Variants in SOAT1 observed in about 807,000 individuals in gnomAD.
SOAT1 encodes sterol O-acyltransferase 1.
A neutral mutation model predicts 69.5 loss-of-function variants in SOAT1; 55 were observed. That is an observed-to-expected ratio of 0.79 (90% CI 0.64 to 0.99). The LOEUF is 0.99. Among genes scored for constraint, SOAT1 ranks in the 50% least tolerant of loss-of-function variants. The probability of loss-of-function intolerance (pLI) is 0.00; values close to 1 mark genes in which losing one functional copy is unlikely to be tolerated. For synonymous variants in SOAT1, 231 were observed against 224.7 expected (o/e 1.03, Z -0.25); for missense variants, 580 against 669.3 (o/e 0.87, Z 1.47).
At chr1:179,300,945 A>AT (rs1664812320) in intron 1 of SOAT1, among the ~76,000 whole-genome samples, 1 of 152,150 alleles carries the variant, frequency 6.6e-6, no homozygotes, top group Non-Finnish European at 1.5e-5. Flanking sequence ...AAATACAAAA[A>AT]TTAGCCACGT....
At chr1:179,330,416 A>G (rs1665931896) in intron 3 of SOAT1, among the ~76,000 whole-genome samples, 1 of 152,186 alleles carries the variant, frequency 6.6e-6, no homozygotes, top group Admixed American at 6.5e-5. Context: ...GGAAGTCACA[A>G]ATCTTGTGAC....
chr1:179,333,402 A>AG (rs1358556576), intron 3 of SOAT1, among the ~76,000 whole-genome samples: 2 of 151,532 alleles, frequency 1.3e-5, no homozygotes, highest in African/African-American at 2.4e-5. Flanking sequence ...TCTTCTAAAA[A>AG]AAAAAAAACA....
At position 179,344,972 on chromosome 1, in the gene SOAT1, A is replaced by G. The variant is rs779262697; in HGVS notation, c.1013A>G (p.Tyr338Cys). 6 of 1,613,880 alleles carry G rather than the reference A, an allele frequency of 3.7e-6. No homozygotes were observed. The highest frequency in any genetic ancestry group is 2.5e-6 in the Non-Finnish European group (3 of 1,179,954). ...GTCTTTGGTTGCTTTTTCTATGTGTACTACATCTTTGAAAGGCTTTGTGCC... is the reference window on the plus strand; with the variant it reads ...GTCTTTGGTTGCTTTTTCTATGTGTGCTACATCTTTGAAAGGCTTTGTGCC... ...AQVFGCFFYVYYIFERLCAPL... is the reference protein window; with the variant it reads ...AQVFGCFFYVCYIFERLCAPL... The change falls in exon 11 of 16, where the codon TAC (tyrosine) becomes TGC (cysteine). Residue 338 changes from tyrosine (Y) to cysteine (C), a missense_variant. Tyr to Cys is a radical substitution (Grantham distance 194). Coordinates refer to ENST00000367619, the MANE Select transcript of SOAT1 (RefSeq NM_003101.6).
At chr1:179,316,875 G>A (rs889841269) in intron 2 of SOAT1, among the ~76,000 whole-genome samples, 3 of 152,130 alleles carry the variant, frequency 2.0e-5, no homozygotes, top group South Asian at 4.1e-4. Context: ...GACATACTGT[G>A]AAAAGAAATG....
At position 179,350,446 on chromosome 1, in the gene SOAT1, A is replaced by G; in HGVS notation, c.1450+15A>G. Reference sequence around the variant, plus strand: ...GTTCTTTGGAAGTAAGTATCTTGGTATGCTGTGAGTACTGGGTACTATGCT... The same window carrying G: ...GTTCTTTGGAAGTAAGTATCTTGGTGTGCTGTGAGTACTGGGTACTATGCT... On this transcript the variant is annotated intron_variant, in intron 14 of 15. Coordinates refer to ENST00000367619, the MANE Select transcript of SOAT1 (RefSeq NM_003101.6). 2 of 1,611,818 alleles carry G rather than the reference A, an allele frequency of 1.2e-6. No individual in the cohort carries two copies. The highest frequency in any genetic ancestry group is 1.7e-6 in the Non-Finnish European group (2 of 1,179,292).
At chr1:179,299,994 T>C (rs1017730004) in intron 1 of SOAT1, among the ~76,000 whole-genome samples, 4 of 151,306 alleles carry the variant, frequency 2.6e-5, no homozygotes, top group Non-Finnish European at 4.4e-5. Context: ...ATCTCCTGAC[T>C]TCATGATCTG....
chr1:179,342,781 G>C, intron 8 of SOAT1, 81 bp from the exon 9 acceptor site: 1 of 967,272 alleles, frequency 1.0e-6, no homozygotes, highest in South Asian at 1.3e-5. Context: ...TCCCTGTTCT[G>C]TGCTTCCTTA....
intron 3 of SOAT1, among the ~76,000 whole-genome samples, chr1:179,334,842 C>G (rs1321577758): frequency 6.6e-6 from 1 of 151,508 alleles, no homozygotes; most frequent in Non-Finnish European, 1.5e-5. Context: ...ATGGAGAAAC[C>G]CTGTCTCTAC....
In SOAT1 at chr1:179,310,265, C is replaced by CTTTT. The variant is rs34859522; in HGVS notation, c.118+7474_118+7477dup. ...AGATTATGACAAAAAGAAAACATGA[C>CTTTT]TTTTTTTTTTTTTTACTTTTGTGGT... On this transcript the variant is annotated intron_variant, in intron 2 of 15. Transcript: ENST00000367619. Among the ~76,000 whole-genome samples, 1,294 of 143,472 alleles carry CTTTT rather than the reference C, an allele frequency of 9.0e-3. 8 individuals carry two copies. The highest frequency in any genetic ancestry group is 0.013 in the African/African-American group (513 of 39,166). 94.1% of individuals were successfully genotyped at this position (143,472 alleles called of 152,430 possible).
chr1:179,332,565 C>T (rs1262897755), intron 3 of SOAT1, among the ~76,000 whole-genome samples: 1 of 152,146 alleles, frequency 6.6e-6, no homozygotes, highest in Non-Finnish European at 1.5e-5. Context: ...CCGCTTCTCC[C>T]TTCCTTCCTT....
At position 179,341,088 on chromosome 1, in the gene SOAT1, G is replaced by T. The variant is rs1340231618; in HGVS notation, c.558G>T (p.Trp186Cys). 3 of 1,614,044 alleles carry T rather than the reference G, an allele frequency of 1.9e-6. No homozygotes were observed. The highest frequency in any genetic ancestry group is 2.5e-6 in the Non-Finnish European group (3 of 1,180,000). The change falls in exon 7 of 16, where the codon TGG (tryptophan) becomes TGT (cysteine). Residue 186 changes from tryptophan (W) to cysteine (C), a missense_variant. Transcript: ENST00000367619. ...YAFGKFPTVVWTWWIMFLSTF... is the reference protein window; with the variant it reads ...YAFGKFPTVVCTWWIMFLSTF... ...TTGGCAAATTTCCTACCGTTGTTTG[G>T]ACCTGGTGGATCATGTTCCTGTCTA...
At chr1:179,342,757 A>G in intron 8 of SOAT1, 105 bp from the exon 9 acceptor site, 1 of 742,612 alleles carries the variant, frequency 1.3e-6, no homozygotes, top group Admixed American at 2.2e-5. Context: ...TGAGCTGATA[A>G]GTCATTTTAT....
rs1372370825 is a variant in SOAT1 at position 179,354,731 on chromosome 1, G to A, written c.*1090G>A. 2 of 152,010 alleles carry A rather than the reference G, an allele frequency of 1.3e-5. No homozygotes were observed. Among genetic ancestry groups the A allele is most frequent in the African/African-American group, 4.8e-5 (2 of 41,402 alleles). 9.4% of individuals were successfully genotyped at this position (152,010 alleles called of 1,614,324 possible). A position where few individuals can be genotyped will look rare whatever the true frequency, so the allele number is the denominator to read the frequency against. ...AGGTGGAATAAATTAATATGTGATT[G>A]GTTTCAAGGAAATGTACTCTATTAT... On this transcript the variant is annotated 3_prime_UTR_variant, in exon 16 of 16. Coordinates refer to ENST00000367619, the MANE Select transcript of SOAT1 (RefSeq NM_003101.6).
In SOAT1 at chr1:179,323,496, G is replaced by T; in HGVS notation, c.177+1G>T. ...GATAAAGTTGACAGCAGAGGCAGAG[G>T]CAAGTAACTCCCTCTTCTAGAAACA... is the stretch of plus-strand genomic sequence containing the variant. On this transcript the variant is annotated splice_donor_variant, in intron 3 of 15. Coordinates refer to ENST00000367619, the MANE Select transcript of SOAT1 (RefSeq NM_003101.6). LOFTEE classifies it high-confidence loss of function. The T allele has an allele frequency of 6.2e-7, 1 of 1,612,836 alleles. No individual in the cohort carries two copies. The highest frequency in any genetic ancestry group is 8.5e-7 in the Non-Finnish European group (1 of 1,179,150).
chr1:179,310,942 C>CT (rs1175742031), intron 2 of SOAT1, among the ~76,000 whole-genome samples: 2 of 151,594 alleles, frequency 1.3e-5, no homozygotes, highest in Admixed American at 6.6e-5. Flanking sequence ...GTTGGCTGTC[C>CT]TTTTTTTTTC....
intron 2 of SOAT1, among the ~76,000 whole-genome samples, chr1:179,305,348 C>T (rs1418998930): frequency 6.6e-6 from 1 of 152,132 alleles, no homozygotes; most frequent in Non-Finnish European, 1.5e-5. Context: ...CCTCGATCTC[C>T]TGGCCTCAAG....
rs566146382 is a variant in SOAT1, at chr1:179,310,446, G to T, written c.118+7644G>T. On this transcript the variant is annotated intron_variant, in intron 2 of 15. Transcript: ENST00000367619. The stretch of plus-strand genomic sequence containing the variant: ...TCTGTATGAACATGCACTAATCCAC[G>T]TTTCTGGCTCAGATTCCATTTTTCT... Among the ~76,000 whole-genome samples the T allele has an allele frequency of 3.3e-5, 5 of 152,172 alleles. No individual in the cohort carries two copies. In the East Asian group the frequency reaches 7.7e-4, roughly 23 times the overall value.
chr1:179,324,117 C>T (rs140419222), intron 3 of SOAT1, among the ~76,000 whole-genome samples: 49 of 152,078 alleles, frequency 3.2e-4, no homozygotes, highest in Non-Finnish European at 5.7e-4. Context: ...TATAAACATC[C>T]GGTGATGAAG....
At chr1:179,320,114 A>T (rs1260472893) in intron 2 of SOAT1, among the ~76,000 whole-genome samples, 4 of 151,660 alleles carry the variant, frequency 2.6e-5, no homozygotes, top group African/African-American at 9.7e-5. Context: ...TCTAATCTTG[A>T]TTGTTCTTTT....
Sources: gnomAD v4.1 joint callset for allele counts (sites outside exome capture counted in the v4.1 genomes callset) on GRCh38, gnomAD v4.1.1 for gene constraint, MANE v1.5 for transcripts, NCBI Gene and HGNC (gene_info 2026-07-23, HGNC 2026-07-21) for gene names.